Variants in UNC5D observed in about 807,000 individuals in gnomAD.
UNC5D encodes the protein netrin receptor UNC5D.
A neutral mutation model predicts 105.4 loss-of-function variants in UNC5D; 39 were observed. That is an observed-to-expected ratio of 0.37 (90% CI 0.29 to 0.48). The LOEUF is 0.48. Ranked by LOEUF, UNC5D falls within the 20% of genes least tolerant of loss-of-function variation. The probability of loss-of-function intolerance (pLI) is 0.98; values close to 1 mark genes in which losing one functional copy is unlikely to be tolerated. For missense variants in UNC5D, 991 were observed against 1,202.4 expected (o/e 0.82, Z 2.60); for synonymous variants, 452 against 450.4 (o/e 1.00, Z -0.04).
chr8:35,637,858 T>G (rs1010161921), intron 4 of UNC5D, among the ~76,000 whole-genome samples: 1 of 152,188 alleles, frequency 6.6e-6, no homozygotes, highest in Non-Finnish European at 1.5e-5. Context: ...CAACAGCTGT[T>G]TTTTGAAATG....
intron 1 of UNC5D, among the ~76,000 whole-genome samples, chr8:35,306,201 T>C (rs1481717455): frequency 6.6e-6 from 1 of 151,830 alleles, no homozygotes; most frequent in African/African-American, 2.4e-5. Flanking sequence ...ATTAGGAACA[T>C]TGGAATCGGC....
intron 1 of UNC5D, among the ~76,000 whole-genome samples, chr8:35,453,285 A>C (rs1382956963): frequency 1.3e-5 from 2 of 152,138 alleles, no homozygotes; most frequent in Non-Finnish European, 2.9e-5. Context: ...CAGTGAGACC[A>C]TCTGTGCACT....
chr8:35,651,474 A>G (rs1378601330), intron 4 of UNC5D, among the ~76,000 whole-genome samples: 4 of 152,222 alleles, frequency 2.6e-5, no homozygotes, highest in African/African-American at 9.6e-5. Flanking sequence ...TGGATTCTGA[A>G]TGGGTGGCCT....
intron 4 of UNC5D, among the ~76,000 whole-genome samples, chr8:35,668,387 A>G (rs566962393): frequency 2.6e-5 from 4 of 152,280 alleles, no homozygotes; most frequent in Admixed American, 1.3e-4. Context: ...ATGTTGGTAT[A>G]ACGACACTTT....
At chr8:35,404,673 T>C (rs756391137) in intron 1 of UNC5D, among the ~76,000 whole-genome samples, 13 of 152,100 alleles carry the variant, frequency 8.5e-5, no homozygotes, top group Non-Finnish European at 1.3e-4. Flanking sequence ...CTGCAACCTC[T>C]GCCTCCTGGG....
intron 1 of UNC5D, among the ~76,000 whole-genome samples, chr8:35,509,983 TG>T (rs962871714): frequency 1.4e-4 from 21 of 152,264 alleles, no homozygotes; most frequent in African/African-American, 5.1e-4. Flanking sequence ...GGCCATGATA[TG>T]GGGGAGGGGC....
intron 4 of UNC5D, among the ~76,000 whole-genome samples, chr8:35,616,486 C>G (rs1216612522): frequency 6.6e-6 from 1 of 152,212 alleles, no homozygotes. Flanking sequence ...CTGAGCTCTA[C>G]TGCTGCCCGA....
chr8:35,304,949 T>C (rs889936715), intron 1 of UNC5D, among the ~76,000 whole-genome samples: 3 of 152,056 alleles, frequency 2.0e-5, no homozygotes, highest in African/African-American at 7.2e-5. Flanking sequence ...GAAGTTATTA[T>C]ATTCATTTAT....
At chr8:35,555,433 A>C (rs1274394845) in intron 2 of UNC5D, among the ~76,000 whole-genome samples, 1 of 152,186 alleles carries the variant, frequency 6.6e-6, no homozygotes, top group Non-Finnish European at 1.5e-5. Flanking sequence ...ACTTTATATA[A>C]TTTAATAATG....
chr8:35,514,573 C>T (rs1209800327), intron 1 of UNC5D, among the ~76,000 whole-genome samples: 1 of 152,122 alleles, frequency 6.6e-6, no homozygotes, highest in African/African-American at 2.4e-5. Context: ...GTCTTTATAT[C>T]CTGACCCAAG....
intron 1 of UNC5D, among the ~76,000 whole-genome samples, chr8:35,386,204 C>T (rs867029156): frequency 9.2e-5 from 14 of 152,124 alleles, no homozygotes; most frequent in South Asian, 2.1e-4. Flanking sequence ...TCTCCTGTCA[C>T]TGATTTTTTT....
At chr8:35,537,846 A>AT (rs1814953339) in intron 1 of UNC5D, among the ~76,000 whole-genome samples, 2 of 151,968 alleles carry the variant, frequency 1.3e-5, no homozygotes, top group Non-Finnish European at 2.9e-5. Context: ...TGGTCACAGG[A>AT]TTTTTTCACA....
chr8:35,730,786 A>AG (rs1829151719), intron 10 of UNC5D, among the ~76,000 whole-genome samples: 2 of 151,540 alleles, frequency 1.3e-5, no homozygotes, highest in Admixed American at 6.6e-5. Context: ...AAAAAAAAAA[A>AG]CTAATTTGAG....
Position 35,549,380 on chromosome 8 carries a change from T to C in UNC5D, c.192T>C (p.Tyr64=). ...PHFIEEPDDA[Y]IIKSNPIALR... ...TCATAGAGGAGCCAGATGATGCTTA[T>C]ATTATCAAGAGCAACCCTATTGCAC... Residue 64 remains tyrosine, a synonymous_variant, in exon 2 of 17, where the codon TAT becomes TAC. Transcript: ENST00000404895. 2 of 1,613,608 alleles carry C rather than the reference T, an allele frequency of 1.2e-6. No homozygotes were observed. The highest frequency in any genetic ancestry group is 1.7e-6 in the Non-Finnish European group (2 of 1,180,022).
chr8:35,437,861 AT>A lies in UNC5D; in HGVS notation c.104-111419del, dbSNP rs201801703. Among the ~76,000 whole-genome samples, 635 of 143,656 alleles carry A rather than the reference AT, an allele frequency of 4.4e-3. 2 individuals are homozygous for A. The highest frequency in any genetic ancestry group is 0.011 in the African/African-American group (414 of 39,166). 94.2% of individuals were successfully genotyped at this position (143,656 alleles called of 152,430 possible). ...CAATTGGATTTCTTCTGAGCGGTTG[AT>A]TTTTTTTTTTTGTCTTACTGATATT... On this transcript the variant is annotated intron_variant, in intron 1 of 16. Coordinates refer to ENST00000404895, the MANE Select transcript of UNC5D (RefSeq NM_080872.4).
At chr8:35,553,875 A>T (rs1306700679) in intron 2 of UNC5D, among the ~76,000 whole-genome samples, 5 of 152,170 alleles carry the variant, frequency 3.3e-5, no homozygotes, top group African/African-American at 9.7e-5. Flanking sequence ...AATTCCTGCC[A>T]GTCTAATAGG....
At chr8:35,468,410 T>C (rs1809468464) in intron 1 of UNC5D, among the ~76,000 whole-genome samples, 1 of 152,184 alleles carries the variant, frequency 6.6e-6, no homozygotes, top group Non-Finnish European at 1.5e-5. Context: ...TCAGTGCTGA[T>C]TTTTCCTATA....
At chr8:35,538,401 A>ATATATATATG (rs1554553479) in intron 1 of UNC5D, among the ~76,000 whole-genome samples, 9 of 30,722 alleles carry the variant, frequency 2.9e-4, no homozygotes, top group Admixed American at 4.5e-4. Context: ...ATAATTATAT[A>ATATATATATG]TATATATATA....
chr8:35,338,942 G>C (rs1462844882), intron 1 of UNC5D, among the ~76,000 whole-genome samples: 1 of 152,104 alleles, frequency 6.6e-6, no homozygotes, highest in African/African-American at 2.4e-5. Context: ...TGGGGCTGCT[G>C]TTTTCACTCA....
Sources: allele counts gnomAD v4.1 joint callset (sites outside exome capture counted in the v4.1 genomes callset), GRCh38; gene constraint gnomAD v4.1.1; transcripts MANE v1.5; gene names NCBI Gene and HGNC (gene_info 2026-07-23, HGNC 2026-07-21).